Variants in DIAPH1 observed in about 807,000 individuals in gnomAD.
DIAPH1 encodes protein diaphanous homolog 1.
DIAPH1 carries 46 observed loss-of-function variants against 140.7 expected under a neutral mutation model. That is an observed-to-expected ratio of 0.33 (90% confidence interval 0.26 to 0.42). DIAPH1 has a LOEUF of 0.42. Ranked by LOEUF, DIAPH1 falls within the 10% of genes least tolerant of loss-of-function variation. DIAPH1 has a pLI of 1.00. For synonymous variants in DIAPH1, 565 were observed against 551.6 expected (o/e 1.02, Z -0.34); for missense variants, 1,310 against 1,558.7 (o/e 0.84, Z 2.69).
At chr5:141,592,174 G>C (rs577717385) in intron 1 of DIAPH1, among the ~76,000 whole-genome samples, 1 of 151,992 alleles carries the variant, frequency 6.6e-6, no homozygotes, top group East Asian at 1.9e-4. Context: ...TGATCCACGA[G>C]GGAAAAAAAG....
Position 141,528,949 on chromosome 5 carries a change from A to C in DIAPH1, c.2779-8T>G. On this transcript the variant is annotated splice_polypyrimidine_tract_variant and splice_region_variant and intron_variant, in intron 21 of 27. Transcript: ENST00000389054. The stretch of plus-strand genomic sequence containing the variant: ...TCGGGGCACAGTGCCCATCTAGTAA[A>C]GAACACAAGCAGTTCCATTACAGTC... 6.2e-7 allele frequency: 1 copy of C among 1,613,786 alleles called. No homozygotes were observed. The highest frequency in any genetic ancestry group is 8.5e-7 in the Non-Finnish European group (1 of 1,180,040).
rs1391070051 is a variant in DIAPH1 at position 141,529,138 on chromosome 5, T to C, written c.2778+34A>G. 6 of 1,594,470 alleles carry C rather than the reference T, an allele frequency of 3.8e-6. No homozygotes were observed. In the South Asian group the frequency reaches 6.6e-5, roughly 18 times the overall value. The stretch of plus-strand genomic sequence containing the variant: ...CTAGAGGGGAGGGGAATACAGGAGG[T>C]GGAAAACCGCTTACTGCCACAGGCC... On this transcript the variant is annotated intron_variant, in intron 21 of 27. Coordinates refer to ENST00000389054, the MANE Select transcript of DIAPH1 (RefSeq NM_005219.5).
intron 1 of DIAPH1, among the ~76,000 whole-genome samples, chr5:141,605,901 C>T (rs1028217714): frequency 4.6e-5 from 7 of 152,240 alleles, no homozygotes; most frequent in Admixed American, 3.3e-4. Context: ...AAGTAAGTAA[C>T]GAACAGCCCT....
chr5:141,529,329 T>A, intron 20 of DIAPH1, 56 bp from the exon 21 acceptor site: 1 of 1,394,500 alleles, frequency 7.2e-7, no homozygotes, highest in Non-Finnish European at 1.0e-6. Flanking sequence ...AACTCAAGCC[T>A]AAACAACTTT....
intron 18 of DIAPH1, among the ~76,000 whole-genome samples, chr5:141,535,588 TG>T (rs1433570350): frequency 1.3e-5 from 2 of 152,216 alleles, no homozygotes; most frequent in Non-Finnish European, 2.9e-5. Flanking sequence ...TTCAAGGGCA[TG>T]GGCAAAACAG....
At chr5:141,616,096 G>A (rs2099902640) in intron 1 of DIAPH1, among the ~76,000 whole-genome samples, 1 of 152,314 alleles carries the variant, frequency 6.6e-6, no homozygotes, top group Non-Finnish European at 1.5e-5. Flanking sequence ...GAACCAAGGG[G>A]TAATACCAGG....
intron 27 of DIAPH1, among the ~76,000 whole-genome samples, chr5:141,522,578 C>CA (rs5871776): frequency 0.05 from 4,411 of 88,750 alleles, 207 homozygotes; most frequent in East Asian, 0.27. Context: ...CCGACGGGGT[C>CA]AAAAAAAAAA....
chr5:141,601,978 T>C (rs2099900206), intron 1 of DIAPH1, among the ~76,000 whole-genome samples: 4 of 152,108 alleles, frequency 2.6e-5, no homozygotes, highest in Admixed American at 2.0e-4. Flanking sequence ...AAATGGGAAA[T>C]AAGTATCACT....
At chr5:141,584,695 C>A (rs541314745) in intron 3 of DIAPH1, among the ~76,000 whole-genome samples, 1 of 152,248 alleles carries the variant, frequency 6.6e-6, no homozygotes, top group South Asian at 2.1e-4. Flanking sequence ...TCCTTTCCCA[C>A]GAAGAAAGAA....
chr5:141,615,308 C>CT (rs1372517611), intron 1 of DIAPH1, among the ~76,000 whole-genome samples: 2 of 151,596 alleles, frequency 1.3e-5, no homozygotes, highest in African/African-American at 4.9e-5. Context: ...CGGCGTACAC[C>CT]TGTAATCCCA....
At chr5:141,533,218 T>C (rs1308438921) in intron 19 of DIAPH1, among the ~76,000 whole-genome samples, 1 of 152,224 alleles carries the variant, frequency 6.6e-6, no homozygotes, top group Non-Finnish European at 1.5e-5. Context: ...ACATGCCTAA[T>C]AGAGCCTATA....
chr5:141,537,716 C>T (rs2099889265), intron 18 of DIAPH1, among the ~76,000 whole-genome samples: 1 of 151,864 alleles, frequency 6.6e-6, no homozygotes, highest in Admixed American at 6.6e-5. Context: ...GGCAAAGAGA[C>T]TTAAATGGAA....
At chr5:141,582,258 G>A (rs754888001) in intron 7 of DIAPH1, 54 bp downstream of exon 7, 29 of 1,352,196 alleles carry the variant, frequency 2.1e-5, no homozygotes, top group Non-Finnish European at 3.1e-5. Flanking sequence ...GCCAATAGAA[G>A]AGAAAGAACA....
rs2154596582 is a variant in DIAPH1, at chr5:141,583,042, A to G, written c.620+164T>C. Among the ~76,000 whole-genome samples the G allele has an allele frequency of 2.0e-5, 3 of 152,318 alleles. No individual in the cohort carries two copies. The South Asian group carries it at 6.2e-4, about 32-fold the overall frequency. On this transcript the variant is annotated intron_variant, in intron 6 of 27. Coordinates refer to ENST00000389054, the MANE Select transcript of DIAPH1 (RefSeq NM_005219.5). ...TCCTCCCTTTCCTGTATCTATAATC[A>G]TCATTCATCCTCTAGCCACCACTAT...
intron 11 of DIAPH1, 123 bp downstream of exon 11, chr5:141,578,102 G>A: frequency 2.5e-6 from 2 of 813,700 alleles, no homozygotes; most frequent in South Asian, 1.3e-5. Flanking sequence ...TATTTAATGA[G>A]AAGACACATA....
intron 18 of DIAPH1, among the ~76,000 whole-genome samples, chr5:141,540,305 C>T (rs554351391): frequency 1.3e-5 from 2 of 150,396 alleles, no homozygotes; most frequent in East Asian, 2.0e-4. Context: ...TTTTTTTAGA[C>T]GGAGTCTCGC....
chr5:141,605,918 T>C (rs2099900860), intron 1 of DIAPH1, among the ~76,000 whole-genome samples: 1 of 152,158 alleles, frequency 6.6e-6, no homozygotes, highest in African/African-American at 2.4e-5. Context: ...CCCTGGCGGA[T>C]GCAAAGAGCT....
intron 8 of DIAPH1, among the ~76,000 whole-genome samples, chr5:141,579,863 G>A (rs921239733): frequency 2.0e-5 from 3 of 151,444 alleles, no homozygotes; most frequent in Non-Finnish European, 4.4e-5. Flanking sequence ...AAGGAGAATC[G>A]CTTGAACCTG....
intron 1 of DIAPH1, among the ~76,000 whole-genome samples, chr5:141,595,047 A>C (rs535596994): frequency 7.2e-5 from 11 of 151,888 alleles, no homozygotes; most frequent in Non-Finnish European, 1.2e-4. Context: ...ATCTCAAAAA[A>C]AAAAAAAAAG....
Sources: gnomAD v4.1 joint callset for allele counts (sites outside exome capture counted in the v4.1 genomes callset) on GRCh38, gnomAD v4.1.1 for gene constraint, MANE v1.5 for transcripts, NCBI Gene and HGNC (gene_info 2026-07-23, HGNC 2026-07-21) for gene names.